PTPRN: variants seen among roughly 807,000 people sequenced by gnomAD.
PTPRN encodes the protein receptor-type tyrosine-protein phosphatase-like N.
Under a neutral mutation model 108.5 loss-of-function variants are expected in PTPRN, and 70 were observed. That is an observed-to-expected ratio of 0.65 (90% CI 0.53 to 0.79). PTPRN has a LOEUF of 0.79. Ranked by LOEUF, PTPRN falls within the 30% of genes least tolerant of loss-of-function variation. The pLI is 0.00. For missense variants in PTPRN, 1,136 were observed against 1,295.5 expected (o/e 0.88, Z 1.89); for synonymous variants, 496 against 524.6 (o/e 0.95, Z 0.75).
rs761425274 is a variant in PTPRN at position 219,307,827 on chromosome 2, C to A, written c.131G>T (p.Arg44Leu). Residue 44 changes from arginine to leucine, a missense_variant, in exon 2 of 23, where the codon CGC becomes CTC. Arg to Leu is a moderately radical substitution (Grantham distance 102, BLOSUM62 -2). Transcript: ENST00000295718. ...AVSAHGCLFD[R>L]RLCSHLEVCI... ...GACTTCCAGGTGAGAGCAGAGCCTG[C>A]GGTCAAATAGACAGCCTGTAGAGGA... is the stretch of plus-strand genomic sequence containing the variant. The A allele has an allele frequency of 6.2e-7, 1 of 1,614,106 alleles. No individual in the cohort carries two copies. The highest frequency in any genetic ancestry group is 1.1e-5 in the South Asian group (1 of 91,068).
At chr2:219,308,881 C>A in intron 1 of PTPRN, 4 of 1,347,530 alleles carry the variant, frequency 3.0e-6, no homozygotes, top group Non-Finnish European at 3.9e-6. Flanking sequence ...CCTGTCACCA[C>A]CTCCCAGGCG....
In PTPRN at chr2:219,302,207, G is replaced by A. The variant is rs1263927261; in HGVS notation, c.924C>T (p.Ser308=). The part of the protein sequence containing the change: ...EQGSSSRAED[S]PEGYEKEGLG... ...GTCCTTCCTTCTCATAGCCCTCTGG[G>A]GAGTCCTCTGCCCGGCTGCTGCTCC... is the stretch of plus-strand genomic sequence containing the variant. Residue 308 remains serine (S), a synonymous_variant, in exon 6 of 23, where the codon TCC becomes TCT. Transcript: ENST00000295718. 2 of 1,613,848 alleles carry A rather than the reference G, an allele frequency of 1.2e-6. No individual in the cohort carries two copies. The highest frequency in any genetic ancestry group is 2.7e-5 in the African/African-American group (2 of 74,906).
chr2:219,307,654 A>G (rs530392400), intron 2 of PTPRN, 97 bp from the exon 3 acceptor site: 1 of 1,444,574 alleles, frequency 6.9e-7, no homozygotes, highest in Admixed American at 1.8e-5. Context: ...TTTCTCCCCT[A>G]CCTCTCCTCC....
chr2:219,307,721 C>T (rs140087698), intron 2 of PTPRN, 71 bp downstream of exon 2: 3 of 1,567,156 alleles, frequency 1.9e-6, no homozygotes, highest in Non-Finnish European at 2.6e-6. Context: ...TCTGGGCCTT[C>T]TCTCCCCTTC....
At chr2:219,300,571 A>G (rs1385605293) in intron 8 of PTPRN, 1 of 475,170 alleles carries the variant, frequency 2.1e-6, no homozygotes, top group Non-Finnish European at 3.7e-6. Context: ...TGGTTTCTAG[A>G]CTTTTGTTTA....
At chr2:219,308,936 A>C in intron 1 of PTPRN, 1 of 1,426,734 alleles carries the variant, frequency 7.0e-7, no homozygotes, top group Admixed American at 2.1e-5. Flanking sequence ...GCCGGTCTCT[A>C]AGTCCCTCTG....
chr2:219,290,474 G>T lies in PTPRN; in HGVS notation c.2868+64C>A. 6.7e-7 allele frequency: 1 copy of T among 1,483,760 alleles called. No homozygotes were observed. Among genetic ancestry groups the T allele is most frequent in the Non-Finnish European group, 9.2e-7 (1 of 1,087,316 alleles). 91.9% of individuals were successfully genotyped at this position (1,483,760 alleles called of 1,614,324 possible). A position where few individuals can be genotyped will look rare whatever the true frequency, so the allele number is the denominator to read the frequency against. On this transcript the variant is annotated intron_variant, in intron 22 of 22. Transcript: ENST00000295718. This position sits in a 1 kb window ranked among gnomAD's most constrained non-coding sequence, Gnocchi z 4.2. ...GTTGGCAGCTGCTGCTTTCCCTGGG[G>T]TGGCCAAGAAGTGGGTGCTAGGGAA...
At chr2:219,295,231 A>G in intron 18 of PTPRN, 90 bp from the exon 19 acceptor site, 8 of 1,447,868 alleles carry the variant, frequency 5.5e-6, no homozygotes, top group Non-Finnish European at 7.6e-6. Context: ...CGGTCTCTCC[A>G]ACCACCGCCC....
Position 219,296,456 on chromosome 2 carries a change from T to C in PTPRN, c.2371A>G (p.Ile791Val), listed in dbSNP as rs1952198287. 2 of 1,614,092 alleles carry C rather than the reference T, an allele frequency of 1.2e-6. No individual in the cohort carries two copies. Among genetic ancestry groups the C allele is most frequent in the Non-Finnish European group, 1.7e-6 (2 of 1,180,006 alleles). ...IATQGPLSHT[I>V]ADFWQMVWES... ...GAGCCCACCTGCCAGAAGTCTGCGA[T>C]GGTATGGGACAGCGGGCCCTGCGTG... The change falls in exon 17 of 23, where the codon ATC becomes GTC. Residue 791 changes from isoleucine to valine, a missense_variant. Physicochemically the swap from Ile to Val is conservative, Grantham distance 29 (BLOSUM62 3). Transcript: ENST00000295718. The surrounding 1 kb of genome is among the most constrained non-coding windows in gnomAD (Gnocchi z 6.0).
Position 219,290,009 on chromosome 2 carries a change from A to AC in PTPRN, c.*216dup. 1 of 578,108 alleles carries AC rather than the reference A, an allele frequency of 1.7e-6. No homozygotes were observed. 35.8% of individuals were successfully genotyped at this position (578,108 alleles called of 1,614,324 possible). A position where few individuals can be genotyped will look rare whatever the true frequency, so the allele number is the denominator to read the frequency against. On this transcript the variant is annotated 3_prime_UTR_variant, in exon 23 of 23. Coordinates refer to ENST00000295718, the MANE Select transcript of PTPRN (RefSeq NM_002846.4). The surrounding 1 kb of genome is among the most constrained non-coding windows in gnomAD (Gnocchi z 4.2). ...CCTTTCCTCTCCTCCTGGCTGCAGC[A>AC]CCCCCATGGGATGCCCTGGGCTCTG...
At position 219,300,980 on chromosome 2, in the gene PTPRN, G is replaced by A. The variant is rs967836546; in HGVS notation, c.1127-3C>T. The A allele has an allele frequency of 1.2e-6, 2 of 1,614,114 alleles. No individual in the cohort carries two copies. The highest frequency in any genetic ancestry group is 1.1e-5 in the South Asian group (1 of 91,078). The stretch of plus-strand genomic sequence containing the variant: ...AGCTCCAACATTTACAACCCCTCCT[G>A]CGAGACAGGAAAAACAAGAGTCTGG... On this transcript the variant is annotated splice_polypyrimidine_tract_variant and splice_region_variant and intron_variant, in intron 7 of 22. Coordinates refer to ENST00000295718, the MANE Select transcript of PTPRN (RefSeq NM_002846.4).
At chr2:219,295,222 G>T in intron 18 of PTPRN, 81 bp from the exon 19 acceptor site, 1 of 1,515,434 alleles carries the variant, frequency 6.6e-7, no homozygotes, top group Non-Finnish European at 9.0e-7. Context: ...CGACCTTCTC[G>T]GTCTCTCCAA....
rs78426839 is a variant in PTPRN at position 219,305,876 on chromosome 2, G to T, written c.280+1568C>A. On this transcript the variant is annotated intron_variant, in intron 3 of 22. Coordinates refer to ENST00000295718, the MANE Select transcript of PTPRN (RefSeq NM_002846.4). ...TAAAACCTTTGACTCCTGGCTGAGC[G>T]CGGTTGCTCACACCTGTAATCCCAG... is the stretch of plus-strand genomic sequence containing the variant. 6.6e-5 allele frequency among the ~76,000 whole-genome samples: 10 copies of T among 152,148 alleles called. 1 individual carries two copies. The East Asian group carries it at 1.9e-3, about 29-fold the overall frequency.
chr2:219,299,259 G>A, intron 11 of PTPRN, 46 bp downstream of exon 11: 3 of 1,605,866 alleles, frequency 1.9e-6, no homozygotes, highest in Non-Finnish European at 2.6e-6. Context: ...CCTCTTAGGA[G>A]TGGGGCTGGG....
chr2:219,303,043 C>T (rs1444339692), intron 4 of PTPRN, among the ~76,000 whole-genome samples: 1 of 152,168 alleles, frequency 6.6e-6, no homozygotes, highest in South Asian at 2.1e-4. Context: ...AGGTATCTGC[C>T]TCCCTGGTGA....
rs774838844 is a variant in PTPRN, at chr2:219,309,299, C to T, written c.34G>A (p.Gly12Arg). 2.0e-4 allele frequency: 305 copies of T among 1,514,944 alleles called. No individual in the cohort carries two copies. Among genetic ancestry groups the T allele is most frequent in the Non-Finnish European group, 2.5e-4 (287 of 1,135,532 alleles). The allele number at this position is 1,514,944 out of a possible 1,614,324, so 93.8% of individuals were successfully genotyped here. ...RRPRRPGGLG[G>R]SGGLRLLLCL... ...AGGAGCAGCCGGAGACCCCCGGATC[C>T]CCCGAGACCCCCAGGCCGCCGCGGG... Residue 12 changes from glycine (G) to arginine (R), a missense_variant, in exon 1 of 23, where the codon GGA becomes AGA. Transcript: ENST00000295718.
In PTPRN at chr2:219,300,928, G is replaced by C; in HGVS notation, c.1161+15C>G. ...CATGGGGTGATTATGAGTCAAGGAG[G>C]TGCTGGGGACTCACTTTCTTGATAT... On this transcript the variant is annotated intron_variant, in intron 8 of 22. Coordinates refer to ENST00000295718, the MANE Select transcript of PTPRN (RefSeq NM_002846.4). The C allele has an allele frequency of 6.2e-7, 1 of 1,613,706 alleles. No individual in the cohort carries two copies. The highest frequency in any genetic ancestry group is 8.5e-7 in the Non-Finnish European group (1 of 1,179,612).
At position 219,309,223 on chromosome 2, in the gene PTPRN, G is replaced by T; in HGVS notation, c.110C>A (p.Ala37Asp). 1 of 1,535,364 alleles carries T rather than the reference G, an allele frequency of 6.5e-7. No homozygotes were observed. Among genetic ancestry groups the T allele is most frequent in the Non-Finnish European group, 8.8e-7 (1 of 1,142,754 alleles). ...AGCCCAAGTTTCCTCCTGACCGTGG[G>T]CACTAACGGCGCTGCAGCCCCCCGG... ...SRPGGCSAVS[A>D]HGCLFDRRLC... Residue 37 changes from alanine to aspartate, a missense_variant, in exon 1 of 23, where the codon GCC becomes GAC. By Grantham distance (126) the Ala-to-Asp change is moderately radical. Transcript: ENST00000295718.
In PTPRN at chr2:219,299,035, G is replaced by T; in HGVS notation, c.1668+12C>A. 6.2e-7 allele frequency: 1 copy of T among 1,614,222 alleles called. No individual in the cohort carries two copies. Among genetic ancestry groups the T allele is most frequent in the African/African-American group, 1.3e-5 (1 of 75,060 alleles). ...TCTGGGGACTTGGACTGATTCTCCA[G>T]TTAGCGCATACCTGTCCCACTCCTG... On this transcript the variant is annotated intron_variant, in intron 12 of 22. Coordinates refer to ENST00000295718, the MANE Select transcript of PTPRN (RefSeq NM_002846.4).
Sources: allele counts gnomAD v4.1 joint callset (sites outside exome capture counted in the v4.1 genomes callset), GRCh38; gene constraint gnomAD v4.1.1; non-coding constraint Gnocchi (gnomAD v3.1); transcripts MANE v1.5; gene names NCBI Gene and HGNC (gene_info 2026-07-23, HGNC 2026-07-21).